Variants in LRP1B observed in about 807,000 individuals in gnomAD.
LRP1B encodes low-density lipoprotein receptor-related protein 1B.
LRP1B carries 217 observed loss-of-function variants against 556.6 expected under a neutral mutation model. That is an observed-to-expected ratio of 0.39 (90% CI 0.35 to 0.44). The LOEUF is 0.44. Ranked by LOEUF, LRP1B falls within the 20% of genes least tolerant of loss-of-function variation. The pLI is 1.00. For missense variants in LRP1B, 5,053 were observed against 5,620.8 expected, an observed-to-expected ratio of 0.90 and a Z score of 3.23; for synonymous variants, 2,047 against 1,865.8, an observed-to-expected ratio of 1.10 and a Z score of -2.50.
intron 67 of LRP1B, 135 bp downstream of exon 67, chr2:140,385,758 C>A: frequency 1.5e-6 from 1 of 666,614 alleles, no homozygotes; most frequent in Non-Finnish European, 2.7e-6. Context: ...TATTCTTGTC[C>A]AAATGTGAAT....
intron 1 of LRP1B, among the ~76,000 whole-genome samples, chr2:141,864,900 CAA>C (rs1212768256): frequency 6.6e-6 from 1 of 151,658 alleles, no homozygotes; most frequent in African/African-American, 2.4e-5. Context: ...AACAAACAAA[CAA>C]ACAAACAAAC....
intron 1 of LRP1B, among the ~76,000 whole-genome samples, chr2:141,883,354 T>A (rs1238616207): frequency 1.3e-5 from 2 of 152,176 alleles, no homozygotes; most frequent in Admixed American, 1.3e-4. Context: ...TGTATTTTAA[T>A]TAGTTGGGAG....
intron 1 of LRP1B, among the ~76,000 whole-genome samples, chr2:141,819,936 A>G (rs1481277027): frequency 6.6e-6 from 1 of 152,200 alleles, no homozygotes; most frequent in Non-Finnish European, 1.5e-5. Flanking sequence ...CAATAATTAC[A>G]CATTATTTTT....
At chr2:141,561,504 G>A (rs1686150941) in intron 2 of LRP1B, among the ~76,000 whole-genome samples, 2 of 151,844 alleles carry the variant, frequency 1.3e-5, no homozygotes. Flanking sequence ...TCCTGTCTCT[G>A]TGAATATCCC....
At chr2:140,913,304 A>G (rs1694477685) in intron 21 of LRP1B, among the ~76,000 whole-genome samples, 2 of 151,946 alleles carry the variant, frequency 1.3e-5, no homozygotes, top group African/African-American at 4.8e-5. Flanking sequence ...TAACTCTAGT[A>G]ATGACAAATG....
intron 87 of LRP1B, among the ~76,000 whole-genome samples, chr2:140,243,216 A>G (rs1681024759): frequency 6.6e-6 from 1 of 151,188 alleles, no homozygotes; most frequent in Non-Finnish European, 1.5e-5. Flanking sequence ...AGATAAATCA[A>G]TATTGAGCAT....
chr2:141,370,180 C>G (rs1238432182), intron 3 of LRP1B, among the ~76,000 whole-genome samples: 1 of 152,092 alleles, frequency 6.6e-6, no homozygotes, highest in Non-Finnish European at 1.5e-5. Context: ...AGTAGTGGGA[C>G]TGCTGCATCC....
Position 140,769,474 on chromosome 2 carries a change from A to G in LRP1B, c.5627-130T>C. 11 of 971,442 alleles carry G rather than the reference A, an allele frequency of 1.1e-5. No individual in the cohort carries two copies. In the South Asian group the frequency reaches 2.0e-4, roughly 17 times the overall value. 60.2% of individuals were successfully genotyped at this position (971,442 alleles called of 1,614,324 possible). ...AACAAATGTATTTCCTGGCCTTTTA[A>G]AAAAATTATTGTGTACTACACTTCC... is the stretch of plus-strand genomic sequence containing the variant. On this transcript the variant is annotated intron_variant, in intron 34 of 90. Coordinates refer to ENST00000389484, the MANE Select transcript of LRP1B (RefSeq NM_018557.3).
chr2:142,085,257 T>G (rs1440937445), intron 1 of LRP1B, among the ~76,000 whole-genome samples: 2 of 152,218 alleles, frequency 1.3e-5, no homozygotes, highest in African/African-American at 2.4e-5. Context: ...GATGTCTTCC[T>G]GGCTCCTCAA....
chr2:140,876,541 C>G (rs1693310470), intron 25 of LRP1B, among the ~76,000 whole-genome samples: 1 of 152,114 alleles, frequency 6.6e-6, no homozygotes, highest in Non-Finnish European at 1.5e-5. Context: ...AATAAAAGCC[C>G]CTTGCAAAAA....
intron 7 of LRP1B, among the ~76,000 whole-genome samples, chr2:141,071,758 C>T (rs934329784): frequency 6.6e-6 from 1 of 152,120 alleles, no homozygotes. Context: ...TTCACAATTG[C>T]TTCAAAGAGA....
At chr2:140,766,311 C>T (rs895386817) in intron 35 of LRP1B, among the ~76,000 whole-genome samples, 1 of 151,754 alleles carries the variant, frequency 6.6e-6, no homozygotes, top group Non-Finnish European at 1.5e-5. Flanking sequence ...CTCTAATTTC[C>T]CTCCAAGAAG....
At chr2:141,946,515 A>T (rs1700959476) in intron 1 of LRP1B, among the ~76,000 whole-genome samples, 2 of 152,288 alleles carry the variant, frequency 1.3e-5, no homozygotes, top group South Asian at 4.1e-4. Flanking sequence ...AGAGTGAAAA[A>T]TAATGACAAC....
intron 35 of LRP1B, among the ~76,000 whole-genome samples, chr2:140,759,170 G>T (rs1193032141): frequency 6.6e-6 from 1 of 151,880 alleles, no homozygotes; most frequent in Non-Finnish European, 1.5e-5. Flanking sequence ...TGAGAAAATA[G>T]ATTTTTTTTT....
rs767197243 is a variant in LRP1B, at chr2:140,238,156, G to A, written c.13556C>T (p.Thr4519Ile). 1 of 1,600,602 alleles carries A rather than the reference G, an allele frequency of 6.2e-7. No homozygotes were observed. The highest frequency in any genetic ancestry group is 1.3e-5 in the African/African-American group (1 of 74,186). ...LLDPGFMIDP[T>I]KARYIGGGPS... ...CATTATCTTAAGACATACTACCTTT[G>A]TTGGGTCTATCATAAAGCCAGGATC... The change falls in exon 89 of 91, where the codon ACA becomes ATA. Residue 4519 changes from threonine to isoleucine, a missense_variant. Thr to Ile is a moderately conservative substitution (Grantham distance 89, BLOSUM62 -1). Coordinates refer to ENST00000389484, the MANE Select transcript of LRP1B (RefSeq NM_018557.3).
chr2:141,091,885 T>G (rs575109221), intron 7 of LRP1B, among the ~76,000 whole-genome samples: 2 of 152,214 alleles, frequency 1.3e-5, no homozygotes, highest in African/African-American at 2.4e-5. Context: ...GTTTTCACTT[T>G]GCAAATATTT....
chr2:140,634,119 T>C (rs997083793), intron 41 of LRP1B, among the ~76,000 whole-genome samples: 1 of 152,142 alleles, frequency 6.6e-6, no homozygotes, highest in Non-Finnish European at 1.5e-5. Context: ...GTAGGATTTA[T>C]TCCAGGAATA....
chr2:141,316,051 G>A (rs1687025557), intron 3 of LRP1B, among the ~76,000 whole-genome samples: 1 of 151,058 alleles, frequency 6.6e-6, no homozygotes, highest in Non-Finnish European at 1.5e-5. Context: ...TACCATTTTT[G>A]TTTCTTTTCA....
intron 21 of LRP1B, among the ~76,000 whole-genome samples, chr2:140,922,204 C>A (rs989116384): frequency 1.3e-5 from 2 of 151,932 alleles, no homozygotes; most frequent in African/African-American, 2.4e-5. Context: ...AACTGGTACC[C>A]AGTATATGTA....
Sources: gnomAD v4.1 joint callset for allele counts (sites outside exome capture counted in the v4.1 genomes callset) on GRCh38, gnomAD v4.1.1 for gene constraint, MANE v1.5 for transcripts, NCBI Gene and HGNC (gene_info 2026-07-23, HGNC 2026-07-21) for gene names.